The following BCL7A variants were observed in gnomAD, a reference collection of about 807,000 sequenced individuals.
BCL7A encodes the protein BAF chromatin remodeling complex subunit BCL7A.
A neutral mutation model predicts 28.4 loss-of-function variants in BCL7A; 11 were observed. The ratio of observed to expected loss-of-function variants is 0.39; its 90% confidence interval spans 0.24 to 0.64. The LOEUF (loss-of-function observed/expected upper bound fraction) is 0.64, where lower values mean the gene tolerates loss of function less well. BCL7A is among the 30% of genes least tolerant of loss of function. The pLI, the probability that BCL7A is intolerant of heterozygous loss-of-function variation, is 0.50. For missense variants in BCL7A, 222 were observed against 274.8 expected (o/e 0.81, Z 1.36); for synonymous variants, 123 against 103.3 (o/e 1.19, Z -1.15).
rs1265940291 is a variant in BCL7A, at chr12:122,029,940, T to A, written c.93-760T>A. 1.3e-5 allele frequency among the ~76,000 whole-genome samples: 2 copies of A among 152,130 alleles called. No individual in the cohort carries two copies. Among genetic ancestry groups the A allele is most frequent in the African/African-American group, 4.8e-5 (2 of 41,426 alleles). Reference sequence around the variant, plus strand: ...ATCTCGAATGAAAACCAGTCCTGTTTGCTTCTGTGGCTTGTAAGTTTCTCC... The same window carrying A: ...ATCTCGAATGAAAACCAGTCCTGTTAGCTTCTGTGGCTTGTAAGTTTCTCC... On this transcript the variant is annotated intron_variant, in intron 1 of 5. Coordinates refer to ENST00000261822, the MANE Select transcript of BCL7A (RefSeq NM_001024808.3). The surrounding 1 kb of genome is among the most constrained non-coding windows in gnomAD (Gnocchi z 4.3).
At chr12:122,027,852 AT>A (rs1184183307) in intron 1 of BCL7A, among the ~76,000 whole-genome samples, 29 of 152,288 alleles carry the variant, frequency 1.9e-4, no homozygotes, top group South Asian at 1.2e-3. Flanking sequence ...AATAAAAAAA[AT>A]AAAAAAATAA....
rs1565944357 is a variant in BCL7A, at chr12:122,059,191, T to C, written c.*28T>C. The C allele has an allele frequency of 1.3e-6, 2 of 1,577,068 alleles. No individual in the cohort carries two copies. Among genetic ancestry groups the C allele is most frequent in the Non-Finnish European group, 1.7e-6 (2 of 1,146,396 alleles). ...GATGCTTTAAAGCCTCCGATCCATG[T>C]TCCATGGAAGGTACATCAGCAATTA... On this transcript the variant is annotated 3_prime_UTR_variant, in exon 6 of 6. Coordinates refer to ENST00000261822, the MANE Select transcript of BCL7A (RefSeq NM_001024808.3). The surrounding 1 kb of genome is among the most constrained non-coding windows in gnomAD (Gnocchi z 4.0).
At chr12:122,022,976 C>T (rs948162835) in intron 1 of BCL7A, among the ~76,000 whole-genome samples, 2 of 152,264 alleles carry the variant, frequency 1.3e-5, no homozygotes, top group East Asian at 1.9e-4. Flanking sequence ...CTCTCCACAC[C>T]GGGAGCTCGT....
intron 4 of BCL7A, among the ~76,000 whole-genome samples, chr12:122,048,969 C>T (rs890511126): frequency 6.9e-5 from 10 of 144,104 alleles, no homozygotes; most frequent in Admixed American, 1.4e-4. Context: ...TTTAGTGAGC[C>T]GAGATCATGC....
intron 1 of BCL7A, among the ~76,000 whole-genome samples, chr12:122,022,661 ACCCCGGCCCGCG>A: frequency 7.0e-6 from 1 of 143,098 alleles, no homozygotes; most frequent in South Asian, 2.2e-4. Context: ...CTCCCCGCGC[ACCCCGGCCCGCG>A]CCCCGCCGCC....
At chr12:122,042,649 C>T (rs938074734) in intron 3 of BCL7A, among the ~76,000 whole-genome samples, 8 of 117,436 alleles carry the variant, frequency 6.8e-5, no homozygotes, top group African/African-American at 9.8e-5. Flanking sequence ...GACTCCATCT[C>T]AAAAAAAAAA....
chr12:122,034,827 G>A (rs927989200), intron 2 of BCL7A, among the ~76,000 whole-genome samples: 5 of 151,906 alleles, frequency 3.3e-5, no homozygotes, highest in African/African-American at 7.3e-5. Context: ...CCTTTCTCCC[G>A]GGGTCTTCCT....
At chr12:122,046,242 C>G (rs1311219736) in intron 4 of BCL7A, among the ~76,000 whole-genome samples, 1 of 152,016 alleles carries the variant, frequency 6.6e-6, no homozygotes, top group Non-Finnish European at 1.5e-5. Flanking sequence ...CTCTGGGCAC[C>G]TGGAGGGACA....
At chr12:122,046,459 C>G (rs1328675674) in intron 4 of BCL7A, among the ~76,000 whole-genome samples, 1 of 152,148 alleles carries the variant, frequency 6.6e-6, no homozygotes, top group Non-Finnish European at 1.5e-5. Flanking sequence ...TGATCCGCAC[C>G]CCTGTGCAAG....
chr12:122,058,189 T>C (rs1951891310), intron 5 of BCL7A, among the ~76,000 whole-genome samples: 1 of 152,124 alleles, frequency 6.6e-6, no homozygotes, highest in Non-Finnish European at 1.5e-5. Context: ...AGCAAGACTC[T>C]GTCTCTAAAA....
chr12:122,025,387 A>T (rs963946502), intron 1 of BCL7A, among the ~76,000 whole-genome samples: 2 of 152,244 alleles, frequency 1.3e-5, no homozygotes, highest in South Asian at 4.1e-4. Context: ...GCACTCTGGG[A>T]GGCCGGGCAG....
At chr12:122,048,840 C>CA (rs908275694) in intron 4 of BCL7A, among the ~76,000 whole-genome samples, 4 of 151,488 alleles carry the variant, frequency 2.6e-5, no homozygotes, top group Admixed American at 6.6e-5. Context: ...CCCAGCATGG[C>CA]AAAACACTGT....
At chr12:122,040,064 G>A (rs1450669245) in intron 3 of BCL7A, among the ~76,000 whole-genome samples, 1 of 152,124 alleles carries the variant, frequency 6.6e-6, no homozygotes, top group Non-Finnish European at 1.5e-5. Context: ...GTCACAATGT[G>A]CCAAGTATTG....
In BCL7A at chr12:122,021,963, T is replaced by TGC; in HGVS notation, c.-128_-127insCG. 3.1e-6 allele frequency: 2 copies of TGC among 643,934 alleles called. No individual in the cohort carries two copies. The highest frequency in any genetic ancestry group is 3.5e-5 in the South Asian group (2 of 57,010). 39.9% of individuals were successfully genotyped at this position (643,934 alleles called of 1,614,324 possible). A position where few individuals can be genotyped will look rare whatever the true frequency, so the allele number is the denominator to read the frequency against. ...GTGTGTGTGTGTGTGTGTGTGAGTG[T>TGC]GTGCGTGTGAGAGTGCGAGTGTCTG... On this transcript the variant is annotated 5_prime_UTR_variant, in exon 1 of 6. Transcript: ENST00000261822.
At chr12:122,053,283 G>A (rs1289503544) in intron 4 of BCL7A, among the ~76,000 whole-genome samples, 2 of 152,150 alleles carry the variant, frequency 1.3e-5, no homozygotes, top group African/African-American at 4.8e-5. Flanking sequence ...GGCGTGAGCC[G>A]CCGCGCCCGG....
intron 5 of BCL7A, among the ~76,000 whole-genome samples, chr12:122,056,673 G>T (rs1176827024): frequency 6.6e-6 from 1 of 152,118 alleles, no homozygotes; most frequent in African/African-American, 2.4e-5. Flanking sequence ...AGGCATGGTG[G>T]TGCGCTCCTA....
chr12:122,049,029 A>ATATATATAT (rs1197773177), intron 4 of BCL7A, among the ~76,000 whole-genome samples: 1 of 69,002 alleles, frequency 1.4e-5, no homozygotes, highest in East Asian at 3.1e-4. Context: ...AAAAAAAAAA[A>ATATATATAT]AAAAAAATAT....
intron 3 of BCL7A, among the ~76,000 whole-genome samples, chr12:122,040,747 G>C (rs1011587424): frequency 3.9e-5 from 6 of 152,052 alleles, no homozygotes; most frequent in Non-Finnish European, 5.9e-5. Context: ...AAGTTTTCTG[G>C]AAGGCTTCAA....
chr12:122,030,512 A>C (rs1883719723), intron 1 of BCL7A, among the ~76,000 whole-genome samples, 188 bp from the exon 2 acceptor site: 1 of 152,208 alleles, frequency 6.6e-6, no homozygotes, highest in African/African-American at 2.4e-5. Context: ...ATGTGGTGTA[A>C]CGGGTGGAGA....
Sources: allele counts gnomAD v4.1 joint callset (sites outside exome capture counted in the v4.1 genomes callset), GRCh38; gene constraint gnomAD v4.1.1; non-coding constraint Gnocchi (gnomAD v3.1); transcripts MANE v1.5; gene names NCBI Gene and HGNC (gene_info 2026-07-23, HGNC 2026-07-21).